The following KIFBP variants were observed in gnomAD, a reference collection of about 807,000 sequenced individuals.
KIFBP encodes KIF-binding protein.
A neutral mutation model predicts 58.9 loss-of-function variants in KIFBP; 46 were observed. That is an observed-to-expected ratio of 0.78 (90% CI 0.62 to 1.00). The LOEUF is 1.00. KIFBP is among the 50% of genes least tolerant of loss of function. KIFBP has a pLI of 0.00. For missense variants in KIFBP, 651 were observed against 752.9 expected, an observed-to-expected ratio of 0.86 and a Z score of 1.58; for synonymous variants, 241 against 283.4, an observed-to-expected ratio of 0.85 and a Z score of 1.50.
rs1839010007 is a variant in KIFBP at position 69,016,668 on chromosome 10, C to T, written c.*252C>T. On this transcript the variant is annotated 3_prime_UTR_variant, in exon 7 of 7. Transcript: ENST00000361983. ...TAGATGCTTGTTTCCTATTAAAATA[C>T]AGACATTTCTACCCTCAGTTTCTAA... 1 of 461,092 alleles carries T rather than the reference C, an allele frequency of 2.2e-6. No individual in the cohort carries two copies. The highest frequency in any genetic ancestry group is 3.6e-5 in the Admixed American group (1 of 27,836). 28.6% of individuals were successfully genotyped at this position (461,092 alleles called of 1,614,324 possible).
chr10:69,004,996 G>A (rs766578589), intron 2 of KIFBP, 50 bp from the exon 3 acceptor site: 1 of 1,302,834 alleles, frequency 7.7e-7, no homozygotes, highest in South Asian at 1.2e-5. Flanking sequence ...GAGGGCACTT[G>A]GTGTTTACAG....
Position 69,010,920 on chromosome 10 carries a change from G to T in KIFBP, c.895G>T (p.Val299Leu). The change falls in exon 6 of 7, where the codon GTG becomes TTG. Residue 299 changes from valine to leucine, a missense_variant. By Grantham distance (32) the Val-to-Leu change is conservative (BLOSUM62 1). Coordinates refer to ENST00000361983, the MANE Select transcript of KIFBP (RefSeq NM_015634.4). ...TEDTPEAEGE[V>L]PELYHQRKGE... Reference sequence around the variant, plus strand: ...TTTAGCTCCTGAAGCTGAAGGAGAAGTGCCAGAGCTTTATCATCAAAGAAA... The same window carrying T: ...TTTAGCTCCTGAAGCTGAAGGAGAATTGCCAGAGCTTTATCATCAAAGAAA... 6.2e-7 allele frequency: 1 copy of T among 1,613,738 alleles called. No homozygotes were observed. The highest frequency in any genetic ancestry group is 8.5e-7 in the Non-Finnish European group (1 of 1,179,646).
At chr10:69,005,627 C>T (rs534608261) in intron 3 of KIFBP, 105 bp from the exon 4 acceptor site, 40 of 837,134 alleles carry the variant, frequency 4.8e-5, no homozygotes, top group South Asian at 3.5e-4. Flanking sequence ...GAGCCAAGAT[C>T]GTGCCACTGT....
At chr10:69,008,179 C>A (rs1301035516) in intron 4 of KIFBP, among the ~76,000 whole-genome samples, 1 of 151,226 alleles carries the variant, frequency 6.6e-6, no homozygotes, top group East Asian at 1.9e-4. Context: ...ACCCCAGCAC[C>A]CTGGGAGGCC....
In KIFBP at chr10:68,989,063, G is replaced by A. The variant is rs781761858; in HGVS notation, c.231G>A (p.Pro77=). 5.3e-5 allele frequency: 86 copies of A among 1,612,494 alleles called. No individual in the cohort carries two copies. The highest frequency in any genetic ancestry group is 7.2e-5 in the Non-Finnish European group (85 of 1,178,996). Residue 77 remains proline, a synonymous_variant, in exon 1 of 7, where the codon CCG becomes CCA. Coordinates refer to ENST00000361983, the MANE Select transcript of KIFBP (RefSeq NM_015634.4). ...CCGGTGACCACGCCCTGGGGCTGCC[G>A]GCTGAGGTGGTGGAGCCCGAGGGGC... ...PGAGDHALGL[P]AEVVEPEGPV... is the part of the protein sequence containing the mutation.
At chr10:68,992,229 G>A (rs995456341) in intron 1 of KIFBP, among the ~76,000 whole-genome samples, 2 of 152,164 alleles carry the variant, frequency 1.3e-5, no homozygotes, top group Non-Finnish European at 1.5e-5. Flanking sequence ...CTGAGCTCAG[G>A]CAATTCTACC....
At chr10:68,998,455 C>G (rs1303779448) in intron 1 of KIFBP, among the ~76,000 whole-genome samples, 1 of 151,284 alleles carries the variant, frequency 6.6e-6, no homozygotes, top group Non-Finnish European at 1.5e-5. Context: ...TATAATACTG[C>G]TACAATTTAT....
At chr10:69,012,013 A>G (rs1381759632) in intron 6 of KIFBP, among the ~76,000 whole-genome samples, 1 of 151,934 alleles carries the variant, frequency 6.6e-6, no homozygotes, top group African/African-American at 2.4e-5. Flanking sequence ...ATCTTTATAT[A>G]CTTCCCAGTG....
intron 2 of KIFBP, among the ~76,000 whole-genome samples, chr10:69,003,874 C>T (rs1357501372): frequency 6.6e-6 from 1 of 151,982 alleles, no homozygotes; most frequent in East Asian, 1.9e-4. Flanking sequence ...ATTTGTTTTG[C>T]TTATGCATGT....
chr10:69,006,734 C>T (rs1234069693), intron 4 of KIFBP: 7 of 152,184 alleles, frequency 4.6e-5, no homozygotes, highest in Admixed American at 4.6e-4. Flanking sequence ...TTCCTTCTTT[C>T]ATCTCTCTGG....
Position 69,010,955 on chromosome 10 carries a change from AGCAAGGTGCTGGATCAAATAC to A in KIFBP, c.931_951del (p.Ala311_Tyr317del). 1 of 1,614,176 alleles carries A rather than the reference AGCAAGGTGCTGGATCAAATAC, an allele frequency of 6.2e-7. No homozygotes were observed. The highest frequency in any genetic ancestry group is 8.5e-7 in the Non-Finnish European group (1 of 1,180,008). ...TTTATCATCAAAGAAAGGGGGAAAT[AGCAAGGTGCTGGATCAAATAC>A]TGTTTGACTCTCATGCAGAATGCCC... On this transcript the variant is annotated inframe_deletion, in exon 6 of 7. Coordinates refer to ENST00000361983, the MANE Select transcript of KIFBP (RefSeq NM_015634.4).
At chr10:69,006,040 G>A (rs1405527410) in intron 4 of KIFBP, 125 bp downstream of exon 4, 1 of 873,584 alleles carries the variant, frequency 1.1e-6, no homozygotes, top group Non-Finnish European at 1.7e-6. Flanking sequence ...TACAACTGAA[G>A]CCGAAAATGC....
rs377630582 is a variant in KIFBP, at chr10:69,002,711, C to A, written c.525+2189C>A. 6.8e-5 allele frequency among the ~76,000 whole-genome samples: 10 copies of A among 146,916 alleles called. No individual in the cohort carries two copies. In the East Asian group the frequency reaches 2.1e-3, roughly 31 times the overall value. On this transcript the variant is annotated intron_variant, in intron 2 of 6. Transcript: ENST00000361983. ...GATCAGCCTGGGCCACATAGTGATACGCTGTCTCTACAAAAACTAAAAAAA... is the reference window on the plus strand; with the variant it reads ...GATCAGCCTGGGCCACATAGTGATAAGCTGTCTCTACAAAAACTAAAAAAA...
At chr10:69,010,775 C>G (rs1843581730) in intron 5 of KIFBP, 125 bp from the exon 6 acceptor site, 2 of 696,854 alleles carry the variant, frequency 2.9e-6, no homozygotes, top group South Asian at 3.1e-5. Flanking sequence ...TTTCCCCAAG[C>G]CCCCTGCTTC....
chr10:68,993,046 T>C (rs1843366958), intron 1 of KIFBP, among the ~76,000 whole-genome samples: 1 of 152,132 alleles, frequency 6.6e-6, no homozygotes, highest in South Asian at 2.1e-4. Context: ...CTCTGTTGAA[T>C]TGCTGTTAAG....
chr10:69,015,601 G>T lies in KIFBP; in HGVS notation c.1051G>T (p.Glu351Ter). 1 of 1,613,634 alleles carries T rather than the reference G, an allele frequency of 6.2e-7. No homozygotes were observed. Among genetic ancestry groups the T allele is most frequent in the Non-Finnish European group, 8.5e-7 (1 of 1,179,912 alleles). ...TGAACTTAGAGCTTTAAGGAAAAAAGAACTAGATGAGGAGGAAAGCATTCG... is the reference window on the plus strand; with the variant it reads ...TGAACTTAGAGCTTTAAGGAAAAAATAACTAGATGAGGAGGAAAGCATTCG... ...QSELRALRKK[E>*]LDEEESIRKK... The change falls in exon 7 of 7, where the codon GAA becomes TAA. Residue 351 changes from glutamate (E) to a stop codon, truncating the protein, a stop_gained. Transcript: ENST00000361983. LOFTEE classifies it high-confidence loss of function.
At chr10:69,015,060 T>G (rs577530227) in intron 6 of KIFBP, among the ~76,000 whole-genome samples, 41 of 152,084 alleles carry the variant, frequency 2.7e-4, no homozygotes, top group Non-Finnish European at 5.3e-4. Flanking sequence ...GTAGCTGGGA[T>G]TACAGGCGCC....
At chr10:69,013,457 A>G (rs1843614297) in intron 6 of KIFBP, among the ~76,000 whole-genome samples, 1 of 152,098 alleles carries the variant, frequency 6.6e-6, no homozygotes, top group African/African-American at 2.4e-5. Flanking sequence ...TGGTCAGGTA[A>G]AGAAAGCTGG....
Position 69,003,577 on chromosome 10 carries a change from GA to G in KIFBP, c.526-1468del, listed in dbSNP as rs78072497. The stretch of plus-strand genomic sequence containing the variant: ...GGTAGTTCTGTTTTGGAAGACGTAA[GA>G]GGGGGTTGTAAGTGATTTATAAATA... On this transcript the variant is annotated intron_variant, in intron 2 of 6. Transcript: ENST00000361983. Among the ~76,000 whole-genome samples the G allele has an allele frequency of 4.9e-3, 747 of 152,340 alleles. 10 individuals carry two copies. Among genetic ancestry groups the G allele is most frequent in the East Asian group, 0.021 (110 of 5,188 alleles).
Sources: allele counts gnomAD v4.1 joint callset (sites outside exome capture counted in the v4.1 genomes callset), GRCh38; gene constraint gnomAD v4.1.1; transcripts MANE v1.5; gene names NCBI Gene and HGNC (gene_info 2026-07-23, HGNC 2026-07-21).